CNTN3: variants seen among roughly 807,000 people sequenced by gnomAD.
CNTN3 encodes contactin-3.
In CNTN3, 60 loss-of-function variants were observed where a neutral mutation model predicts 119.1. The observed-to-expected ratio is 0.50, with a 90% CI of 0.41 to 0.62. CNTN3 has a LOEUF of 0.62. Among genes scored for constraint, CNTN3 ranks in the 20% least tolerant of loss-of-function variants. CNTN3 has a pLI of 0.00. For synonymous variants in CNTN3, 450 were observed against 438.7 expected, an observed-to-expected ratio of 1.03 and a Z score of -0.32; for missense variants, 1,101 against 1,242.4, an observed-to-expected ratio of 0.89 and a Z score of 1.71.
chr3:74,595,062 T>A (rs1704778669), intron 1 of CNTN3, among the ~76,000 whole-genome samples: 1 of 152,032 alleles, frequency 6.6e-6, no homozygotes. Context: ...GATGAGCATT[T>A]TTTCATGTGT....
intron 1 of CNTN3, among the ~76,000 whole-genome samples, chr3:74,570,866 T>G (rs774125721): frequency 2.0e-5 from 3 of 152,210 alleles, no homozygotes; most frequent in Non-Finnish European, 4.4e-5. Flanking sequence ...AGACGAGGAA[T>G]TTGACTGTAG....
At chr3:74,603,903 C>G (rs556283359) in intron 1 of CNTN3, among the ~76,000 whole-genome samples, 1 of 152,208 alleles carries the variant, frequency 6.6e-6, no homozygotes, top group South Asian at 2.1e-4. Context: ...ATCACACTAC[C>G]TAACTTCAAA....
chr3:74,601,142 C>A (rs1413172276), intron 1 of CNTN3, among the ~76,000 whole-genome samples: 1 of 151,906 alleles, frequency 6.6e-6, no homozygotes, highest in African/African-American at 2.4e-5. Flanking sequence ...AACTGCAGAG[C>A]TCAATGGGTA....
intron 8 of CNTN3, among the ~76,000 whole-genome samples, 186 bp from the exon 9 acceptor site, chr3:74,365,888 C>A (rs746123178): frequency 6.6e-6 from 1 of 152,162 alleles, no homozygotes; most frequent in South Asian, 2.1e-4. Context: ...CTGTATGAAA[C>A]GTTTCTACAT....
In CNTN3 at chr3:74,466,553, T is replaced by C. The variant is rs534553864; in HGVS notation, c.358+19903A>G. 3.3e-5 allele frequency among the ~76,000 whole-genome samples: 5 copies of C among 152,284 alleles called. No individual in the cohort carries two copies. The South Asian group carries it at 1.0e-3, about 32-fold the overall frequency. ...GTATAATTATATGTCTTCTCATTAATACCTATTCTAATGGGAACTTAAGGC... is the reference window on the plus strand; with the variant it reads ...GTATAATTATATGTCTTCTCATTAACACCTATTCTAATGGGAACTTAAGGC... On this transcript the variant is annotated intron_variant, in intron 4 of 22. Transcript: ENST00000263665.
chr3:74,600,024 A>T (rs1307437897), intron 1 of CNTN3, among the ~76,000 whole-genome samples: 5 of 151,944 alleles, frequency 3.3e-5, no homozygotes, highest in Non-Finnish European at 7.4e-5. Context: ...AGGAAAGCAC[A>T]GTTGGTTGAT....
chr3:74,362,156 T>A, intron 10 of CNTN3, 116 bp from the exon 11 acceptor site: 4 of 1,056,952 alleles, frequency 3.8e-6, no homozygotes, highest in Non-Finnish European at 5.5e-6. Flanking sequence ...GTGTCAGTGC[T>A]TGATTTACTT....
Position 74,510,494 on chromosome 3 carries a change from T to TA in CNTN3, c.55+10563dup, listed in dbSNP as rs574188717. Among the ~76,000 whole-genome samples, 40 of 152,230 alleles carry TA rather than the reference T, an allele frequency of 2.6e-4. No homozygotes were observed. The East Asian group carries it at 6.8e-3, about 26-fold the overall frequency. On this transcript the variant is annotated intron_variant, in intron 2 of 22. Transcript: ENST00000263665. ...AGCACTTTCAACAGCAATAGCACCC[T>TA]AACAGTAATCTTTTGCAAACCTCAG...
chr3:74,492,274 A>T (rs113575425), intron 3 of CNTN3, among the ~76,000 whole-genome samples: 1 of 152,166 alleles, frequency 6.6e-6, no homozygotes, highest in Non-Finnish European at 1.5e-5. Flanking sequence ...TGAAGGTTCT[A>T]TGTGAACTTG....
At position 74,298,219 on chromosome 3, in the gene CNTN3, C is replaced by T. The variant is rs1702381006; in HGVS notation, c.2167-28G>A. ...ATAAAGGAAAGACATACTGAATCAC[C>T]CTTACACATAAGGGCAAGGCAAAAA... On this transcript the variant is annotated intron_variant, in intron 17 of 22. Coordinates refer to ENST00000263665, the MANE Select transcript of CNTN3 (RefSeq NM_020872.3). 9 of 1,463,026 alleles carry T rather than the reference C, an allele frequency of 6.2e-6. No individual in the cohort carries two copies. The South Asian group carries it at 1.2e-4, about 20-fold the overall frequency. The allele number at this position is 1,463,026 out of a possible 1,614,324, so 90.6% of individuals were successfully genotyped here. A position where few individuals can be genotyped will look rare whatever the true frequency, so the allele number is the denominator to read the frequency against.
At chr3:74,294,310 T>C (rs967533612) in intron 19 of CNTN3, among the ~76,000 whole-genome samples, 7 of 152,212 alleles carry the variant, frequency 4.6e-5, no homozygotes, top group Non-Finnish European at 1.0e-4. Context: ...AACTGCTCAC[T>C]ACTAAATAGG....
chr3:74,327,105 C>A (rs75237122), intron 13 of CNTN3, among the ~76,000 whole-genome samples: 2 of 90,700 alleles, frequency 2.2e-5, no homozygotes, highest in Non-Finnish European at 4.0e-5. Flanking sequence ...AAGGGTTAAT[C>A]CTTTTTTTTT....
At chr3:74,407,389 C>T (rs1368496453) in intron 5 of CNTN3, among the ~76,000 whole-genome samples, 4 of 150,692 alleles carry the variant, frequency 2.7e-5, no homozygotes, top group African/African-American at 9.7e-5. Flanking sequence ...CTGCCTCAGC[C>T]TCTGAAGTAG....
At chr3:74,501,186 A>C (rs943457400) in intron 2 of CNTN3, among the ~76,000 whole-genome samples, 2 of 151,616 alleles carry the variant, frequency 1.3e-5, no homozygotes, top group South Asian at 2.1e-4. Context: ...TGCCTTGGAA[A>C]CTGGCCACAT....
chr3:74,293,250 G>A (rs927051451), intron 19 of CNTN3, among the ~76,000 whole-genome samples: 2 of 152,122 alleles, frequency 1.3e-5, no homozygotes, highest in South Asian at 2.1e-4. Flanking sequence ...GGGGTTCACA[G>A]CCCATACTTT....
chr3:74,392,627 T>C (rs1704942706), intron 5 of CNTN3, among the ~76,000 whole-genome samples: 1 of 152,184 alleles, frequency 6.6e-6, no homozygotes, highest in South Asian at 2.1e-4. Flanking sequence ...AGGAGTTCCC[T>C]GTCCTAGGGA....
intron 4 of CNTN3, among the ~76,000 whole-genome samples, chr3:74,455,420 G>GT (rs1702248959): frequency 6.6e-6 from 1 of 151,852 alleles, no homozygotes; most frequent in Admixed American, 6.6e-5. Flanking sequence ...TTTTTTCAAA[G>GT]TTTTTAACTT....
chr3:74,449,900 T>C (rs1291431386), intron 4 of CNTN3, among the ~76,000 whole-genome samples: 1 of 152,152 alleles, frequency 6.6e-6, no homozygotes, highest in Admixed American at 6.6e-5. Context: ...TTTAATGTTC[T>C]GGACCATAAG....
intron 1 of CNTN3, among the ~76,000 whole-genome samples, chr3:74,555,260 A>G (rs1704051908): frequency 6.6e-6 from 1 of 152,192 alleles, no homozygotes; most frequent in African/African-American, 2.4e-5. Flanking sequence ...CCAGGTAGGA[A>G]GTCGACTTGA....
Sources: gnomAD v4.1 joint callset for allele counts (sites outside exome capture counted in the v4.1 genomes callset) on GRCh38, gnomAD v4.1.1 for gene constraint, MANE v1.5 for transcripts, NCBI Gene and HGNC (gene_info 2026-07-23, HGNC 2026-07-21) for gene names.